Variants in ITGB5 observed in about 807,000 individuals in gnomAD.
The protein encoded by ITGB5 is integrin subunit beta 5, also known as integrin beta-5.
ITGB5 carries 38 observed loss-of-function variants against 84.8 expected under a neutral mutation model. That is an observed-to-expected ratio of 0.45 (90% confidence interval 0.35 to 0.59). The LOEUF is 0.59. Among genes scored for constraint, ITGB5 ranks in the 20% least tolerant of loss-of-function variants. The probability of loss-of-function intolerance (pLI) is 0.01; values close to 1 mark genes in which losing one functional copy is unlikely to be tolerated. For missense variants in ITGB5, 905 were observed against 1,034.5 expected, an observed-to-expected ratio of 0.87 and a Z score of 1.72; for synonymous variants, 393 against 414.4, an observed-to-expected ratio of 0.95 and a Z score of 0.63.
intron 9 of ITGB5, among the ~76,000 whole-genome samples, chr3:124,797,901 G>C (rs140533089): frequency 1.6e-3 from 236 of 152,152 alleles, no homozygotes; most frequent in African/African-American, 5.5e-3. Context: ...AACAGACAGA[G>C]GCCCGGCCCA....
rs372341993 is a variant in ITGB5, at chr3:124,768,624, GTTTTC to G, written c.2017+384_2017+388del. ...CCACTGTATAGATGGACCACACTTT[GTTTTC>G]TTTTCTATTTATCCGTTGATGGACA... is the stretch of plus-strand genomic sequence containing the variant. On this transcript the variant is annotated intron_variant, in intron 12 of 14. Transcript: ENST00000296181. Among the ~76,000 whole-genome samples the G allele has an allele frequency of 3.8e-3, 586 of 152,290 alleles. 2 individuals carry two copies. Among genetic ancestry groups the G allele is most frequent in the African/African-American group, 0.013 (534 of 41,554 alleles).
At chr3:124,891,048 T>G (rs1934989723), upstream of ITGB5, among the ~76,000 whole-genome samples, 1 of 152,192 alleles carries the variant, frequency 6.6e-6, no homozygotes, top group Non-Finnish European at 1.5e-5. Flanking sequence ...TGATCACTGC[T>G]AAGCTTCTGG....
Position 124,762,435 on chromosome 3 carries a change from C to T in ITGB5, c.*1188G>A, listed in dbSNP as rs1174243988. The T allele has an allele frequency of 6.6e-6, 1 of 152,208 alleles. No homozygotes were observed. Among genetic ancestry groups the T allele is most frequent in the African/African-American group, 2.4e-5 (1 of 41,452 alleles). 9.4% of individuals were successfully genotyped at this position (152,208 alleles called of 1,614,324 possible). Reference sequence around the variant, plus strand: ...CTTCCCCTCTCTGAGAATCAGTTTCCTCTTCTGTACATAAGGGGAGAGGGT... The same window carrying T: ...CTTCCCCTCTCTGAGAATCAGTTTCTTCTTCTGTACATAAGGGGAGAGGGT... On this transcript the variant is annotated 3_prime_UTR_variant, in exon 15 of 15. Transcript: ENST00000296181.
At chr3:124,844,402 A>C (rs2065050837) in intron 4 of ITGB5, among the ~76,000 whole-genome samples, 1 of 152,060 alleles carries the variant, frequency 6.6e-6, no homozygotes, top group Non-Finnish European at 1.5e-5. Context: ...TCTACTAAAA[A>C]TACAAAAATT....
At chr3:124,900,809 C>G (rs1005576891) in intron 1 of ITGB5, among the ~76,000 whole-genome samples, 1 of 152,120 alleles carries the variant, frequency 6.6e-6, no homozygotes, top group Non-Finnish European at 1.5e-5. Context: ...ATGGATTTAT[C>G]TCCTTTTTAA....
intron 8 of ITGB5, among the ~76,000 whole-genome samples, chr3:124,813,109 C>T (rs564677747): frequency 2.6e-5 from 4 of 152,314 alleles, no homozygotes; most frequent in East Asian, 3.9e-4. Flanking sequence ...CCTGCTGCCC[C>T]GGCACACCCC....
intron 5 of ITGB5, among the ~76,000 whole-genome samples, chr3:124,825,545 A>G (rs1669561466): frequency 6.6e-6 from 1 of 152,228 alleles, no homozygotes; most frequent in South Asian, 2.1e-4. Context: ...ACACACCACA[A>G]CATGGATGAA....
intron 1 of ITGB5, chr3:124,894,602 A>G (rs1420441922): frequency 6.6e-6 from 1 of 152,198 alleles, no homozygotes; most frequent in Admixed American, 6.5e-5. Flanking sequence ...AAGCAATCAC[A>G]ATGCGTTCCT....
chr3:124,831,282 G>C (rs1180395556), intron 5 of ITGB5, among the ~76,000 whole-genome samples: 1 of 152,152 alleles, frequency 6.6e-6, no homozygotes, highest in Non-Finnish European at 1.5e-5. Context: ...GATGTGGTCT[G>C]ACCTGCACAG....
At chr3:124,873,664 C>T (rs781682319) in intron 1 of ITGB5, 133 bp from the exon 2 acceptor site, 40 of 742,546 alleles carry the variant, frequency 5.4e-5, no homozygotes, top group Non-Finnish European at 9.7e-5. Flanking sequence ...GGTACCATTG[C>T]TAATTGCAGG....
intron 6 of ITGB5, 69 bp from the exon 7 acceptor site, chr3:124,819,903 T>C: frequency 3.5e-6 from 4 of 1,133,050 alleles, no homozygotes; most frequent in East Asian, 4.7e-5. Context: ...CTGGCTCCAA[T>C]GCACAGTCAG....
chr3:124,848,670 G>A, intron 3 of ITGB5, 112 bp from the exon 4 acceptor site: 1 of 1,169,802 alleles, frequency 8.5e-7, no homozygotes, highest in Non-Finnish European at 1.2e-6. Flanking sequence ...TAGTGATTGT[G>A]TGCCTCACAG....
chr3:124,830,008 C>T (rs1429602632), intron 5 of ITGB5, among the ~76,000 whole-genome samples: 1 of 152,178 alleles, frequency 6.6e-6, no homozygotes, highest in Non-Finnish European at 1.5e-5. Flanking sequence ...AAAATGGACT[C>T]CTCCCAGGAG....
chr3:124,868,455 C>T (rs1448905734), intron 2 of ITGB5, among the ~76,000 whole-genome samples: 1 of 151,770 alleles, frequency 6.6e-6, no homozygotes, highest in Non-Finnish European at 1.5e-5. Context: ...GAAAGTAAGT[C>T]TGAAACCCTC....
chr3:124,811,020 T>G (rs2064493105), intron 8 of ITGB5, among the ~76,000 whole-genome samples: 1 of 152,202 alleles, frequency 6.6e-6, no homozygotes, highest in Non-Finnish European at 1.5e-5. Flanking sequence ...TTGAAAATAC[T>G]TTCTGTAAAA....
At chr3:124,892,723 G>C (rs1935026269) in intron 1 of ITGB5, among the ~76,000 whole-genome samples, 1 of 147,986 alleles carries the variant, frequency 6.8e-6, no homozygotes, top group Non-Finnish European at 1.5e-5. Context: ...AGTTAAAATG[G>C]TAAGTTTTAT....
chr3:124,868,747 G>C (rs2065431899), intron 2 of ITGB5, among the ~76,000 whole-genome samples: 1 of 151,850 alleles, frequency 6.6e-6, no homozygotes, highest in East Asian at 1.9e-4. Flanking sequence ...GCTGCAGTGA[G>C]CTATGATCAC....
intron 2 of ITGB5, among the ~76,000 whole-genome samples, chr3:124,868,263 T>A (rs1199546880): frequency 6.6e-6 from 1 of 152,102 alleles, no homozygotes; most frequent in Non-Finnish European, 1.5e-5. Context: ...ACATGTGTCT[T>A]AAGCTGTGCT....
upstream of ITGB5, chr3:124,887,834 G>A (rs1029835298): frequency 1.4e-5 from 4 of 285,436 alleles, no homozygotes; most frequent in Non-Finnish European, 2.3e-5. Context: ...GCCCGCGCGT[G>A]GAACCGCAAA....
Sources: allele counts gnomAD v4.1 joint callset (sites outside exome capture counted in the v4.1 genomes callset), GRCh38; gene constraint gnomAD v4.1.1; transcripts MANE v1.5; gene names NCBI Gene and HGNC (gene_info 2026-07-23, HGNC 2026-07-21).